Variants in GALNTL5 observed in about 807,000 individuals in gnomAD.
GALNTL5 encodes the protein inactive polypeptide N-acetylgalactosaminyltransferase-like protein 5.
GALNTL5 carries 44 observed loss-of-function variants against 51.0 expected under a neutral mutation model. The ratio of observed to expected loss-of-function variants is 0.86; its 90% CI spans 0.68 to 1.11. GALNTL5 has a LOEUF of 1.11. Among genes scored for constraint, GALNTL5 ranks in the 50% least tolerant of loss-of-function variants. The pLI is 0.00. For missense variants in GALNTL5, 528 were observed against 531.8 expected, an observed-to-expected ratio of 0.99 and a Z score of 0.07; for synonymous variants, 192 against 182.8, an observed-to-expected ratio of 1.05 and a Z score of -0.41.
chr7:151,988,850 G>A (rs928077123), intron 5 of GALNTL5, among the ~76,000 whole-genome samples: 4 of 151,662 alleles, frequency 2.6e-5, no homozygotes, highest in African/African-American at 7.3e-5. Flanking sequence ...ACAGGTGCCC[G>A]CCACCATGCC....
chr7:151,977,902 C>G (rs1425710558), intron 3 of GALNTL5, among the ~76,000 whole-genome samples: 1 of 152,000 alleles, frequency 6.6e-6, no homozygotes, highest in East Asian at 1.9e-4. Context: ...TAGTACCATA[C>G]CTTCTTTCTC....
intron 5 of GALNTL5, among the ~76,000 whole-genome samples, chr7:152,000,686 T>C (rs1361271001): frequency 6.6e-6 from 1 of 152,204 alleles, no homozygotes; most frequent in East Asian, 1.9e-4. Flanking sequence ...GTTGAACATC[T>C]TTTCACATGC....
intron 5 of GALNTL5, among the ~76,000 whole-genome samples, chr7:151,987,740 G>C (rs1189404846): frequency 6.6e-6 from 1 of 152,224 alleles, no homozygotes. Flanking sequence ...GAAAAAGTGT[G>C]AGCTGATGCT....
At chr7:151,973,976 G>A (rs1375851612) in intron 3 of GALNTL5, among the ~76,000 whole-genome samples, 2 of 152,096 alleles carry the variant, frequency 1.3e-5, no homozygotes, top group Non-Finnish European at 2.9e-5. Context: ...TTTCCCCCGT[G>A]CTCGCTCTCT....
At chr7:151,971,716 T>C (rs2081145989) in intron 3 of GALNTL5, among the ~76,000 whole-genome samples, 1 of 152,148 alleles carries the variant, frequency 6.6e-6, no homozygotes, top group Non-Finnish European at 1.5e-5. Context: ...AGGGACCTGG[T>C]GGAAGGTGAT....
intron 3 of GALNTL5, among the ~76,000 whole-genome samples, chr7:151,977,110 C>T (rs929241555): frequency 6.6e-6 from 1 of 152,060 alleles, no homozygotes; most frequent in Non-Finnish European, 1.5e-5. Context: ...GACCAAATAC[C>T]TAAATTATAT....
intron 7 of GALNTL5, among the ~76,000 whole-genome samples, chr7:152,010,322 A>C (rs1183563570): frequency 6.6e-6 from 1 of 152,062 alleles, no homozygotes; most frequent in African/African-American, 2.4e-5. Flanking sequence ...CATGTTGGCC[A>C]GGATGGTCTT....
Position 152,002,926 on chromosome 7 carries a change from G to A in GALNTL5, c.871G>A (p.Glu291Lys). The A allele has an allele frequency of 6.2e-7, 1 of 1,614,066 alleles. No individual in the cohort carries two copies. The highest frequency in any genetic ancestry group is 8.5e-7 in the Non-Finnish European group (1 of 1,179,944). ...TAAATGGGATAATGTTTTCTCTTATGAGATGGATGGACCAGAAGGATCTAC... is the reference window on the plus strand; with the variant it reads ...TAAATGGGATAATGTTTTCTCTTATAAGATGGATGGACCAGAAGGATCTAC... Reference protein sequence around the residue: ...QFKWDNVFSYEMDGPEGSTKP... With the variant: ...QFKWDNVFSYKMDGPEGSTKP... Residue 291 changes from glutamate (E) to lysine (K), a missense_variant, in exon 6 of 9, where the codon GAG becomes AAG. Physicochemically the swap from Glu to Lys is moderately conservative, Grantham distance 56. Coordinates refer to ENST00000392800, the MANE Select transcript of GALNTL5 (RefSeq NM_145292.4).
Position 151,972,655 on chromosome 7 carries a change from A to G in GALNTL5, c.368+1590A>G, listed in dbSNP as rs146291042. On this transcript the variant is annotated intron_variant, in intron 3 of 8. Transcript: ENST00000392800. ...GCTCCAGCCATGGCCAAAAGGGACC[A>G]AAGTACAACTAAGGCTGTGGTTTCA... 5.7e-3 allele frequency among the ~76,000 whole-genome samples: 866 copies of G among 152,332 alleles called. 7 individuals carry two copies. Among genetic ancestry groups the G allele is most frequent in the Middle Eastern group, 0.037 (11 of 294 alleles).
chr7:151,986,821 G>A (rs962240527), intron 4 of GALNTL5, among the ~76,000 whole-genome samples: 6 of 151,202 alleles, frequency 4.0e-5, no homozygotes, highest in East Asian at 1.9e-4. Context: ...TCTGCCTCCC[G>A]GGTTCAAGCG....
intron 3 of GALNTL5, among the ~76,000 whole-genome samples, chr7:151,971,322 C>T (rs956690078): frequency 6.6e-6 from 1 of 152,160 alleles, no homozygotes; most frequent in Non-Finnish European, 1.5e-5. Context: ...AATTGAGTTA[C>T]CCACAGATCT....
intron 1 of GALNTL5, among the ~76,000 whole-genome samples, chr7:151,962,106 G>A (rs988772585): frequency 6.0e-5 from 9 of 150,868 alleles, no homozygotes; most frequent in East Asian, 3.9e-4. Flanking sequence ...GGGTTGAAGC[G>A]ATTCTCCTGC....
At chr7:151,987,619 G>C (rs552495540) in intron 5 of GALNTL5, among the ~76,000 whole-genome samples, 1 of 149,746 alleles carries the variant, frequency 6.7e-6, no homozygotes, top group African/African-American at 2.5e-5. Context: ...AAGACTGGGG[G>C]TGGGGTGGGC....
At chr7:152,015,788 A>G (rs1326545611) in intron 8 of GALNTL5, among the ~76,000 whole-genome samples, 1 of 152,198 alleles carries the variant, frequency 6.6e-6, no homozygotes, top group African/African-American at 2.4e-5. Flanking sequence ...TTCTGTATCA[A>G]AACTATACCC....
At chr7:152,011,834 G>T (rs1409645802) in intron 7 of GALNTL5, among the ~76,000 whole-genome samples, 1 of 152,188 alleles carries the variant, frequency 6.6e-6, no homozygotes, top group Non-Finnish European at 1.5e-5. Context: ...AGAGTTTTAG[G>T]ATTCAGGCAG....
intron 2 of GALNTL5, 84 bp from the exon 3 acceptor site, chr7:151,970,861 G>A: frequency 8.8e-7 from 1 of 1,130,936 alleles, no homozygotes; most frequent in South Asian, 1.5e-5. Flanking sequence ...TTAAAAAATT[G>A]TTTTGGTTAT....
At position 151,979,405 on chromosome 7, in the gene GALNTL5, C is replaced by T. The variant is rs149934895; in HGVS notation, c.369-3581C>T. On this transcript the variant is annotated intron_variant, in intron 3 of 8. Coordinates refer to ENST00000392800, the MANE Select transcript of GALNTL5 (RefSeq NM_145292.4). ...CTGGGATTACAGGTGTGAGCCACCACGGCCGGCCTCCTTTTACTCTTAAAA... is the reference window on the plus strand; with the variant it reads ...CTGGGATTACAGGTGTGAGCCACCATGGCCGGCCTCCTTTTACTCTTAAAA... Among the ~76,000 whole-genome samples the T allele has an allele frequency of 4.8e-3, 719 of 151,274 alleles. 9 individuals are homozygous for T. The highest frequency in any genetic ancestry group is 0.017 in the African/African-American group (685 of 41,140).
intron 5 of GALNTL5, among the ~76,000 whole-genome samples, chr7:151,988,547 T>A (rs947493778): frequency 2.6e-5 from 4 of 152,134 alleles, no homozygotes; most frequent in Non-Finnish European, 5.9e-5. Flanking sequence ...GGTGGACACA[T>A]TCTCTTATTT....
intron 5 of GALNTL5, 126 bp from the exon 6 acceptor site, chr7:152,002,588 G>T: frequency 1.1e-6 from 1 of 910,232 alleles, no homozygotes; most frequent in East Asian, 2.6e-5. Context: ...CAATGAAAAT[G>T]AAAGCACTGT....
Sources: allele counts gnomAD v4.1 joint callset (sites outside exome capture counted in the v4.1 genomes callset), GRCh38; gene constraint gnomAD v4.1.1; transcripts MANE v1.5; gene names NCBI Gene and HGNC (gene_info 2026-07-23, HGNC 2026-07-21).